FCHO2: variants seen among roughly 807,000 people sequenced by gnomAD.
FCHO2 encodes F-BAR domain only protein 2.
In FCHO2, 43 loss-of-function variants were observed where a neutral mutation model predicts 114.1. That is an observed-to-expected ratio of 0.38 (90% confidence interval 0.30 to 0.49). The LOEUF (loss-of-function observed/expected upper bound fraction) is 0.49, where lower values mean the gene tolerates loss of function less well. FCHO2 is among the 20% of genes least tolerant of loss of function. The pLI, the probability that FCHO2 is intolerant of heterozygous loss-of-function variation, is 0.97. For synonymous variants in FCHO2, 293 were observed against 315.2 expected, an observed-to-expected ratio of 0.93 and a Z score of 0.75; for missense variants, 807 against 950.4, an observed-to-expected ratio of 0.85 and a Z score of 1.98.
chr5:73,055,010 G>T (rs1016864715), intron 15 of FCHO2: 92 of 293,346 alleles, frequency 3.1e-4, no homozygotes, highest in African/African-American at 1.9e-3. Context: ...AAAATAACAA[G>T]GGTTGTGGGA....
chr5:73,070,830 G>C (rs1243037130), intron 19 of FCHO2, among the ~76,000 whole-genome samples: 1 of 151,882 alleles, frequency 6.6e-6, no homozygotes, highest in Non-Finnish European at 1.5e-5. Context: ...TTAAGTTTCT[G>C]ATTCTCCTTG....
intron 11 of FCHO2, among the ~76,000 whole-genome samples, chr5:73,048,625 ATCT>A (rs1757182686): frequency 6.6e-6 from 1 of 152,168 alleles, no homozygotes; most frequent in Non-Finnish European, 1.5e-5. Flanking sequence ...GTTATAAATA[ATCT>A]TCGATGAATA....
rs145053201 is a variant in FCHO2, at chr5:73,027,384, C to T, written c.797-7273C>T. On this transcript the variant is annotated intron_variant, in intron 8 of 25. Coordinates refer to ENST00000430046, the MANE Select transcript of FCHO2 (RefSeq NM_138782.3). ...CTGGCTTGTTCTTTTTTTTTTTTTC[C>T]GGTGTTTTTGAAGAGCAAAAGTTAA... 5.2e-3 allele frequency among the ~76,000 whole-genome samples: 750 copies of T among 144,664 alleles called. 3 individuals carry two copies. Among genetic ancestry groups the T allele is most frequent in the Non-Finnish European group, 5.7e-3 (377 of 66,190 alleles). 94.9% of individuals were successfully genotyped at this position (144,664 alleles called of 152,430 possible).
intron 5 of FCHO2, chr5:72,997,543 C>A: frequency 7.5e-7 from 1 of 1,339,570 alleles, no homozygotes; most frequent in Non-Finnish European, 1.1e-6. Context: ...ACCCCAGTGA[C>A]ACAACCCTTC....
At chr5:72,992,280 T>A (rs1212846352) in intron 5 of FCHO2, among the ~76,000 whole-genome samples, 2 of 152,106 alleles carry the variant, frequency 1.3e-5, no homozygotes, top group East Asian at 3.8e-4. Context: ...ATTTGTATAA[T>A]AAAAATTGGG....
chr5:73,009,788 C>T (rs1016495535), intron 6 of FCHO2, among the ~76,000 whole-genome samples: 9 of 152,190 alleles, frequency 5.9e-5, no homozygotes, highest in Admixed American at 2.0e-4. Context: ...CTGTCCAACT[C>T]GGCCTCCCAA....
At chr5:73,029,101 C>G (rs1395579955) in intron 8 of FCHO2, among the ~76,000 whole-genome samples, 1 of 152,102 alleles carries the variant, frequency 6.6e-6, no homozygotes, top group Admixed American at 6.6e-5. Flanking sequence ...AGTAGACTCA[C>G]AAATGTCAAA....
intron 5 of FCHO2, among the ~76,000 whole-genome samples, chr5:72,993,767 T>C (rs1469260141): frequency 1.3e-5 from 2 of 152,220 alleles, no homozygotes; most frequent in African/African-American, 4.8e-5. Context: ...TTGATTATTT[T>C]CTGAAAATCT....
At chr5:73,069,431 G>A (rs935827545) in intron 19 of FCHO2, among the ~76,000 whole-genome samples, 3 of 151,972 alleles carry the variant, frequency 2.0e-5, no homozygotes, top group Non-Finnish European at 4.4e-5. Flanking sequence ...TTTTTGTCTT[G>A]CAACTAGTCA....
At chr5:72,967,367 C>T (rs1413319429) in intron 1 of FCHO2, among the ~76,000 whole-genome samples, 1 of 152,188 alleles carries the variant, frequency 6.6e-6, no homozygotes, top group Non-Finnish European at 1.5e-5. Flanking sequence ...TGTCTATTTT[C>T]TCCCTTCTCA....
At chr5:73,028,682 G>A (rs1283736005) in intron 8 of FCHO2, among the ~76,000 whole-genome samples, 2 of 125,398 alleles carry the variant, frequency 1.6e-5, no homozygotes, top group African/African-American at 6.4e-5. Flanking sequence ...CAAGAGTCTC[G>A]CTCTGTCACC....
At chr5:73,043,435 G>A (rs1756902282) in intron 11 of FCHO2, among the ~76,000 whole-genome samples, 1 of 151,948 alleles carries the variant, frequency 6.6e-6, no homozygotes, top group African/African-American at 2.4e-5. Flanking sequence ...CATTGTATTA[G>A]TGTGTATATG....
At chr5:73,063,700 C>A in intron 17 of FCHO2, 141 bp from the exon 18 acceptor site, 1 of 698,498 alleles carries the variant, frequency 1.4e-6, no homozygotes, top group Non-Finnish European at 2.5e-6. Context: ...AATATTTCAA[C>A]ATCTATAATT....
At chr5:73,051,951 TCTCA>T (rs1201044001) in intron 12 of FCHO2, among the ~76,000 whole-genome samples, 2 of 152,042 alleles carry the variant, frequency 1.3e-5, no homozygotes, top group Non-Finnish European at 2.9e-5. Flanking sequence ...TGAGATGAAG[TCTCA>T]CTCTGTCACG....
chr5:73,072,802 G>A, intron 19 of FCHO2, among the ~76,000 whole-genome samples: 1 of 152,000 alleles, frequency 6.6e-6, no homozygotes, highest in East Asian at 1.9e-4. Flanking sequence ...TTATGGAGAT[G>A]GATGATAGTG....
At chr5:72,968,708 G>C in intron 2 of FCHO2, 119 bp downstream of exon 2, 1 of 700,568 alleles carries the variant, frequency 1.4e-6, no homozygotes. Flanking sequence ...TTTAAAATAT[G>C]TACTGTAATT....
chr5:72,975,125 CT>C (rs1470761807), intron 2 of FCHO2, among the ~76,000 whole-genome samples: 1 of 152,072 alleles, frequency 6.6e-6, no homozygotes, highest in African/African-American at 2.4e-5. Flanking sequence ...CTAATATAAT[CT>C]TTTGTTACAT....
At chr5:73,009,251 C>T (rs1050963992) in intron 6 of FCHO2, among the ~76,000 whole-genome samples, 3 of 152,166 alleles carry the variant, frequency 2.0e-5, no homozygotes, top group African/African-American at 7.2e-5. Flanking sequence ...GCTGTTTTGT[C>T]TTTTAAATCA....
At chr5:73,043,979 G>A (rs911693524) in intron 11 of FCHO2, among the ~76,000 whole-genome samples, 7 of 152,142 alleles carry the variant, frequency 4.6e-5, no homozygotes, top group Admixed American at 6.5e-5. Context: ...TTGGTGGGAG[G>A]CAATTGGGTC....
Sources: gnomAD v4.1 joint callset for allele counts (sites outside exome capture counted in the v4.1 genomes callset) on GRCh38, gnomAD v4.1.1 for gene constraint, MANE v1.5 for transcripts, NCBI Gene and HGNC (gene_info 2026-07-23, HGNC 2026-07-21) for gene names.